The following DLG2 variants were observed in gnomAD, a reference collection of about 807,000 sequenced individuals.
DLG2 encodes discs large MAGUK scaffold protein 2.
A neutral mutation model predicts 132.5 loss-of-function variants in DLG2; 45 were observed. The ratio of observed to expected loss-of-function variants is 0.34; its 90% CI spans 0.27 to 0.44. The LOEUF is 0.44. DLG2 is among the 20% of genes least tolerant of loss of function. The pLI is 1.00. For synonymous variants in DLG2, 424 were observed against 419.6 expected, an observed-to-expected ratio of 1.01 and a Z score of -0.13; for missense variants, 1,045 against 1,196.9, an observed-to-expected ratio of 0.87 and a Z score of 1.87.
At chr11:84,755,433 GT>G (rs11290517) in intron 6 of DLG2, among the ~76,000 whole-genome samples, 145,212 of 152,150 alleles carry the variant, frequency 0.95, 69,902 homozygotes, top group Middle Eastern at 1. Context: ...TTTTTGTTTT[GT>G]TTTTTTTGAG....
chr11:84,562,060 T>G (rs559580014), intron 6 of DLG2, among the ~76,000 whole-genome samples: 5 of 152,128 alleles, frequency 3.3e-5, no homozygotes, highest in African/African-American at 1.2e-4. Context: ...AAAAAAAAAG[T>G]AATGTGACAG....
chr11:83,840,029 C>T (rs746470333), intron 16 of DLG2, among the ~76,000 whole-genome samples: 12 of 152,222 alleles, frequency 7.9e-5, no homozygotes, highest in Non-Finnish European at 1.3e-4. Context: ...CGTCTCCAGG[C>T]ACCCTATGTT....
At chr11:85,237,110 C>T (rs879769802) in intron 4 of DLG2, among the ~76,000 whole-genome samples, 1 of 152,024 alleles carries the variant, frequency 6.6e-6, no homozygotes, top group South Asian at 2.1e-4. Flanking sequence ...CCTGAAAATA[C>T]GCCACTGATT....
At chr11:83,724,820 G>A in intron 18 of DLG2, 3 of 702,310 alleles carry the variant, frequency 4.3e-6, no homozygotes, top group Non-Finnish European at 7.8e-6. Flanking sequence ...GGTCTGTCAA[G>A]AGAAATGGGT....
intron 7 of DLG2, among the ~76,000 whole-genome samples, chr11:84,299,839 G>C (rs1219091615): frequency 6.6e-6 from 1 of 152,056 alleles, no homozygotes; most frequent in Non-Finnish European, 1.5e-5. Context: ...TCTTCTACTA[G>C]AAACCAGACT....
chr11:84,209,645 T>C (rs2096724603), intron 8 of DLG2, among the ~76,000 whole-genome samples: 1 of 151,420 alleles, frequency 6.6e-6, no homozygotes, highest in Admixed American at 6.6e-5. Flanking sequence ...CGTGAAGAAA[T>C]GGACAAACAC....
At chr11:84,652,541 T>C (rs1430725945) in intron 6 of DLG2, among the ~76,000 whole-genome samples, 1 of 152,122 alleles carries the variant, frequency 6.6e-6, no homozygotes, top group Non-Finnish European at 1.5e-5. Context: ...TTATGGAATG[T>C]GTAAGGAAAG....
At chr11:83,967,720 A>T (rs1042440946) in intron 12 of DLG2, among the ~76,000 whole-genome samples, 14 of 152,104 alleles carry the variant, frequency 9.2e-5, no homozygotes, top group African/African-American at 3.1e-4. Context: ...GAAGATTTTG[A>T]ATTTAATGTA....
chr11:84,266,563 A>G (rs925432924), intron 7 of DLG2, among the ~76,000 whole-genome samples: 37 of 152,352 alleles, frequency 2.4e-4, no homozygotes, highest in African/African-American at 8.4e-4. Context: ...AAACAGGGAA[A>G]TGAATCCAAC....
At chr11:84,636,740 GA>G (rs1389851048) in intron 6 of DLG2, among the ~76,000 whole-genome samples, 8 of 150,812 alleles carry the variant, frequency 5.3e-5, no homozygotes, top group Admixed American at 4.6e-4. Context: ...GGTACTTGGA[GA>G]AAAAAGTTAT....
chr11:84,821,340 G>T (rs1211555948), intron 6 of DLG2, among the ~76,000 whole-genome samples: 1 of 151,594 alleles, frequency 6.6e-6, no homozygotes, highest in Non-Finnish European at 1.5e-5. Context: ...AACAGTTTAG[G>T]CTTTCTGGGC....
At chr11:85,339,302 C>A (rs1565345857) in intron 3 of DLG2, among the ~76,000 whole-genome samples, 1 of 152,078 alleles carries the variant, frequency 6.6e-6, no homozygotes, top group Non-Finnish European at 1.5e-5. Flanking sequence ...TAATTAGAAA[C>A]CATGCTATAA....
At chr11:84,943,529 G>A (rs577390883) in intron 6 of DLG2, among the ~76,000 whole-genome samples, 8 of 151,966 alleles carry the variant, frequency 5.3e-5, no homozygotes, top group African/African-American at 1.7e-4. Flanking sequence ...TTACTAATGA[G>A]GTTTGCAAAT....
At chr11:83,475,750 CTTTG>C (rs1402412356) in intron 22 of DLG2, among the ~76,000 whole-genome samples, 3 of 148,528 alleles carry the variant, frequency 2.0e-5, no homozygotes, top group East Asian at 2.0e-4. Flanking sequence ...CTCTTTCTTT[CTTTG>C]TTTCTTTTTC....
intron 6 of DLG2, chr11:84,545,186 C>T: frequency 4.4e-6 from 2 of 455,880 alleles, no homozygotes; most frequent in Admixed American, 2.4e-5. Flanking sequence ...CGAGAGCCTC[C>T]TTGGTTTCAT....
chr11:84,596,709 G>T (rs2099559809), intron 6 of DLG2, among the ~76,000 whole-genome samples: 1 of 152,130 alleles, frequency 6.6e-6, no homozygotes, highest in Admixed American at 6.6e-5. Context: ...TTTGCCACAG[G>T]AAGCATATGG....
chr11:84,417,323 G>C (rs1176158262), intron 7 of DLG2, among the ~76,000 whole-genome samples: 2 of 152,166 alleles, frequency 1.3e-5, no homozygotes, highest in Non-Finnish European at 2.9e-5. Flanking sequence ...TCTGTCCACA[G>C]AATTAATGTG....
At chr11:83,842,171 C>T (rs2057691054) in intron 16 of DLG2, among the ~76,000 whole-genome samples, 1 of 152,198 alleles carries the variant, frequency 6.6e-6, no homozygotes, top group South Asian at 2.1e-4. Context: ...GACAGATCAT[C>T]AGCAGCATAA....
chr11:85,114,780 A>G (rs1435364739), intron 5 of DLG2, among the ~76,000 whole-genome samples: 2 of 152,000 alleles, frequency 1.3e-5, no homozygotes, highest in Non-Finnish European at 1.5e-5. Context: ...TGACCTAGAG[A>G]ACCCTAAAGA....
Sources: allele counts gnomAD v4.1 joint callset (sites outside exome capture counted in the v4.1 genomes callset), GRCh38; gene constraint gnomAD v4.1.1; transcripts MANE v1.5; gene names NCBI Gene and HGNC (gene_info 2026-07-23, HGNC 2026-07-21).